Variants in SHANK2 observed in about 807,000 individuals in gnomAD.
SHANK2 encodes the protein SH3 and multiple ankyrin repeat domains 2.
In SHANK2, 43 loss-of-function variants were observed where a neutral mutation model predicts 133.7. The observed-to-expected ratio is 0.32, with a 90% confidence interval of 0.25 to 0.41. The LOEUF is 0.41. Among genes scored for constraint, SHANK2 ranks in the 10% least tolerant of loss-of-function variants. SHANK2 has a pLI of 1.00. For missense variants in SHANK2, 1,994 were observed against 2,235.8 expected (o/e 0.89, Z 2.18); for synonymous variants, 1,017 against 952.8 (o/e 1.07, Z -1.24).
chr11:71,195,077 C>T (rs1441663347), intron 2 of SHANK2, among the ~76,000 whole-genome samples: 1 of 152,178 alleles, frequency 6.6e-6, no homozygotes, highest in Non-Finnish European at 1.5e-5. Flanking sequence ...ACGTAGGGCA[C>T]CTATTTATAT....
At chr11:71,058,160 G>C (rs1190114290) in intron 9 of SHANK2, among the ~76,000 whole-genome samples, 1 of 152,164 alleles carries the variant, frequency 6.6e-6, no homozygotes, top group Admixed American at 6.5e-5. Flanking sequence ...CTCCCGAAGT[G>C]CTGGGATTAC....
chr11:70,918,236 G>T (rs1037918553), intron 10 of SHANK2, among the ~76,000 whole-genome samples: 1 of 152,186 alleles, frequency 6.6e-6, no homozygotes, highest in East Asian at 1.9e-4. Context: ...CGGGGCGGGG[G>T]CCTAGGGAAG....
intron 17 of SHANK2, among the ~76,000 whole-genome samples, chr11:70,637,846 A>AGTCTAC (rs2041662541): frequency 6.6e-6 from 1 of 152,210 alleles, no homozygotes; most frequent in African/African-American, 2.4e-5. Context: ...CCTCAGGCTG[A>AGTCTAC]CCAGTGAGTC....
At chr11:70,743,239 C>T (rs1272935702) in intron 14 of SHANK2, among the ~76,000 whole-genome samples, 2 of 152,160 alleles carry the variant, frequency 1.3e-5, no homozygotes, top group Non-Finnish European at 2.9e-5. Flanking sequence ...TCGAGCTGCA[C>T]GTCTGCGTGC....
chr11:70,699,044 G>A (rs1555023035), intron 14 of SHANK2, among the ~76,000 whole-genome samples: 1 of 152,122 alleles, frequency 6.6e-6, no homozygotes, highest in African/African-American at 2.4e-5. Context: ...GAGGAGGCAG[G>A]AGGAAGCAGC....
At chr11:70,661,498 TATACAC>T (rs1479998249) in intron 16 of SHANK2, 92 bp downstream of exon 16, 12 of 1,067,458 alleles carry the variant, frequency 1.1e-5, no homozygotes, top group African/African-American at 9.2e-5. Context: ...CATGCAGGCG[TATACAC>T]ACACACACAC....
chr11:70,672,480 C>G (rs1349717417), intron 15 of SHANK2, among the ~76,000 whole-genome samples: 1 of 152,238 alleles, frequency 6.6e-6, no homozygotes, highest in Non-Finnish European at 1.5e-5. Context: ...CTGCCATCCT[C>G]TCTTCCTCCA....
intron 2 of SHANK2, among the ~76,000 whole-genome samples, chr11:71,216,501 A>G (rs1022999703): frequency 6.6e-5 from 10 of 152,132 alleles, no homozygotes; most frequent in African/African-American, 2.4e-4. Flanking sequence ...AGTGACTTCT[A>G]ATGGTACAGG....
Position 70,502,860 on chromosome 11 carries a change from G to T in SHANK2, c.2133C>A (p.His711Gln), listed in dbSNP as rs1555159172. 6.2e-7 allele frequency: 1 copy of T among 1,613,788 alleles called. No homozygotes were observed. Among genetic ancestry groups the T allele is most frequent in the Non-Finnish European group, 8.5e-7 (1 of 1,179,938 alleles). The change falls in exon 18 of 26, where the codon CAC becomes CAA. Residue 711 changes from histidine to glutamine, a missense_variant. By Grantham distance (24) the His-to-Gln change is conservative. Transcript: ENST00000601538. ...VVNMIRQGGNHLVLKVVTVTR... is the reference protein window; with the variant it reads ...VVNMIRQGGNQLVLKVVTVTR... ...TCACCGTGACCACCTTAAGGACCAG[G>T]TGATTCCCTCCCTGCCGGATCATGT...
intron 17 of SHANK2, among the ~76,000 whole-genome samples, chr11:70,637,869 G>T (rs1052803663): frequency 1.2e-4 from 19 of 152,348 alleles, no homozygotes; most frequent in African/African-American, 4.6e-4. Context: ...CCCAGTGACG[G>T]GGCTGGAGCC....
At chr11:71,247,444 A>G (rs939550843) in intron 1 of SHANK2, among the ~76,000 whole-genome samples, 1 of 152,020 alleles carries the variant, frequency 6.6e-6, no homozygotes, top group African/African-American at 2.4e-5. Flanking sequence ...TTCATAAAAA[A>G]TTGTTGCAGA....
intron 2 of SHANK2, among the ~76,000 whole-genome samples, chr11:71,168,785 G>A (rs1275224100): frequency 4.0e-5 from 6 of 148,560 alleles, no homozygotes; most frequent in South Asian, 2.2e-4. Context: ...GAGGGAGACC[G>A]TGGAGAGAGG....
chr11:70,548,501 G>C (rs1269793288), intron 17 of SHANK2, among the ~76,000 whole-genome samples: 1 of 152,156 alleles, frequency 6.6e-6, no homozygotes, highest in Non-Finnish European at 1.5e-5. Flanking sequence ...TTAGTGGGAG[G>C]CTGGCCGGCG....
intron 17 of SHANK2, among the ~76,000 whole-genome samples, chr11:70,512,031 C>T (rs1565086299): frequency 6.6e-6 from 1 of 152,194 alleles, no homozygotes; most frequent in Admixed American, 6.5e-5. Flanking sequence ...CTCTGAACAC[C>T]TATTTTTGCT....
chr11:71,056,406 C>G (rs1182646325), intron 10 of SHANK2, 75 bp downstream of exon 10: 3 of 152,216 alleles, frequency 2.0e-5, no homozygotes, highest in Non-Finnish European at 4.4e-5. Flanking sequence ...CACATACAAA[C>G]ACGACCGTGG....
chr11:71,094,639 G>C lies in SHANK2; in HGVS notation c.642C>G (p.Ile214Met), dbSNP rs1173568029. 2 of 1,551,636 alleles carry C rather than the reference G, an allele frequency of 1.3e-6. No homozygotes were observed. Among genetic ancestry groups the C allele is most frequent in the Non-Finnish European group, 1.7e-6 (2 of 1,147,002 alleles). ...GAGCTCCACCATTTTTGAGAGCTTT[G>C]ATGACCTCCACAGAGTCGTCCAGCT... ...AAQLDDSVEV[I>M]KALKNGGAHL... The change falls in exon 7 of 26, where the codon ATC (isoleucine) becomes ATG (methionine). Residue 214 changes from isoleucine (I) to methionine (M), a missense_variant. This residue lies in a region of SHANK2 where 653 missense variants were observed against 563.4 expected (regional missense o/e 1.16). Coordinates refer to ENST00000601538, the MANE Select transcript of SHANK2 (RefSeq NM_012309.5).
At position 71,176,866 on chromosome 11, in the gene SHANK2, A is replaced by C. The variant is rs535384697; in HGVS notation, c.-12-29528T>G. ...ATAAACTCCCAGCTTCATGAAGCTC[A>C]ATGTAACCTAAGCACAAGAATCATA... On this transcript the variant is annotated intron_variant, in intron 2 of 25. Coordinates refer to ENST00000601538, the MANE Select transcript of SHANK2 (RefSeq NM_012309.5). Among the ~76,000 whole-genome samples the C allele has an allele frequency of 1.2e-4, 19 of 152,330 alleles. No individual in the cohort carries two copies. In the South Asian group the frequency reaches 3.9e-3, roughly 32 times the overall value.
At chr11:70,598,946 T>C (rs1237734271) in intron 17 of SHANK2, among the ~76,000 whole-genome samples, 4 of 137,028 alleles carry the variant, frequency 2.9e-5, no homozygotes, top group Admixed American at 7.2e-5. Context: ...AAAAAAAGAC[T>C]AGAGTCAACA....
At chr11:71,247,770 T>A (rs140628270) in intron 1 of SHANK2, among the ~76,000 whole-genome samples, 3 of 152,126 alleles carry the variant, frequency 2.0e-5, no homozygotes, top group African/African-American at 4.8e-5. Context: ...CAGCCTCAGA[T>A]TGGGAGTTTG....
Sources: allele counts gnomAD v4.1 joint callset (sites outside exome capture counted in the v4.1 genomes callset), GRCh38; gene constraint gnomAD v4.1.1; regional missense constraint gnomAD v4.1.1; transcripts MANE v1.5; gene names NCBI Gene and HGNC (gene_info 2026-07-23, HGNC 2026-07-21).